Variants in ACSBG2 observed in about 807,000 individuals in gnomAD.
ACSBG2 encodes acyl-CoA synthetase bubblegum family member 2.
Under a neutral mutation model 74.7 loss-of-function variants are expected in ACSBG2, and 62 were observed. The ratio of observed to expected loss-of-function variants is 0.83; its 90% CI spans 0.68 to 1.03. The LOEUF is 1.03. ACSBG2 is among the 50% of genes least tolerant of loss of function. ACSBG2 has a pLI of 0.00. For missense variants in ACSBG2, 730 were observed against 817.6 expected (o/e 0.89, Z 1.31); for synonymous variants, 309 against 294.1 (o/e 1.05, Z -0.52).
At chr19:6,136,850 C>G (rs1218346572) in intron 1 of ACSBG2, among the ~76,000 whole-genome samples, 1 of 152,178 alleles carries the variant, frequency 6.6e-6, no homozygotes, top group African/African-American at 2.4e-5. Context: ...CTGCCACGGC[C>G]TCCCAAAGTG....
At position 6,144,176 on chromosome 19, in the gene ACSBG2, T is replaced by C. The variant is rs1365173166; in HGVS notation, c.67+2566T>C. 2.0e-5 allele frequency among the ~76,000 whole-genome samples: 3 copies of C among 152,272 alleles called. No individual in the cohort carries two copies. The East Asian group carries it at 5.8e-4, about 29-fold the overall frequency. On this transcript the variant is annotated intron_variant, in intron 2 of 14. Coordinates refer to ENST00000588485, the MANE Select transcript of ACSBG2 (RefSeq NM_030924.5). ...CCACGCCTGGCTAATTTTTGTATTT[T>C]TAGTAGATACAGGGTTTCGCCATGT... is the stretch of plus-strand genomic sequence containing the variant.
rs776194311 is a variant in ACSBG2 at position 6,187,718 on chromosome 19, C to T, written c.1800C>T (p.Asp600=). 3.7e-6 allele frequency: 6 copies of T among 1,614,010 alleles called. No homozygotes were observed. In the East Asian group the frequency reaches 6.7e-5, roughly 18 times the overall value. ...TGACTGAGATTGTGAAGCAGCAAGA[C>T]CCCCTGGTCTACAAGGCCATCCAGC... The part of the protein sequence containing the change: ...STVTEIVKQQ[D]PLVYKAIQQG... Residue 600 remains aspartate (D), a synonymous_variant, in exon 13 of 15, where the codon GAC becomes GAT. Transcript: ENST00000588485.
intron 4 of ACSBG2, 98 bp downstream of exon 4, chr19:6,151,893 T>G (rs2089252763): frequency 1.8e-6 from 2 of 1,118,642 alleles, no homozygotes; most frequent in Non-Finnish European, 2.6e-6. Context: ...AACAGGAATT[T>G]TGGATGAACG....
chr19:6,179,791 T>G (rs552584559), intron 8 of ACSBG2, among the ~76,000 whole-genome samples: 6 of 152,146 alleles, frequency 3.9e-5, no homozygotes, highest in African/African-American at 1.4e-4. Context: ...TTTTGTATTT[T>G]TAGTAGAGAC....
At chr19:6,147,791 C>T (rs530669676) in intron 3 of ACSBG2, 116 bp downstream of exon 3, 27 of 1,102,604 alleles carry the variant, frequency 2.4e-5, no homozygotes, top group South Asian at 1.5e-4. Flanking sequence ...GGTTAATTGG[C>T]GAAAATTTCC....
At position 6,173,937 on chromosome 19, in the gene ACSBG2, A is replaced by ATTT. The variant is rs56905660; in HGVS notation, c.739-3276_739-3274dup. Among the ~76,000 whole-genome samples the ATTT allele has an allele frequency of 5.3e-4, 70 of 131,008 alleles. 1 individual carries two copies. Among genetic ancestry groups the ATTT allele is most frequent in the African/African-American group, 1.9e-3 (66 of 35,198 alleles). The allele number at this position is 131,008 out of a possible 152,430, so 85.9% of individuals were successfully genotyped here. A position where few individuals can be genotyped will look rare whatever the true frequency, so the allele number is the denominator to read the frequency against. ...AACATGAGGACATCACTCTTGAACT[A>ATTT]TTTTTTTTTTTTTTTTTTGAGACAG... On this transcript the variant is annotated intron_variant, in intron 7 of 14. Coordinates refer to ENST00000588485, the MANE Select transcript of ACSBG2 (RefSeq NM_030924.5).
rs921014625 is a variant in ACSBG2 at position 6,141,730 on chromosome 19, C to T, written c.67+120C>T. The T allele has an allele frequency of 1.9e-4, 131 of 685,626 alleles. 1 individual carries two copies. Among genetic ancestry groups the T allele is most frequent in the South Asian group, 1.9e-3 (104 of 55,752 alleles). The allele number at this position is 685,626 out of a possible 1,614,324, so 42.5% of individuals were successfully genotyped here. A position where few individuals can be genotyped will look rare whatever the true frequency, so the allele number is the denominator to read the frequency against. On this transcript the variant is annotated intron_variant, in intron 2 of 14. Transcript: ENST00000588485. ...ATTCCTTGCCTGACCCTGCTGACCC[C>T]GACCCCCCACCCTTTTGTTTTGAGA... is the stretch of plus-strand genomic sequence containing the variant.
At chr19:6,147,781 G>C in intron 3 of ACSBG2, 106 bp downstream of exon 3, 1 of 1,295,496 alleles carries the variant, frequency 7.7e-7, no homozygotes, top group Non-Finnish European at 1.1e-6. Context: ...AAGATACAAA[G>C]GTTAATTGGC....
intron 6 of ACSBG2, 121 bp downstream of exon 6, chr19:6,161,416 T>A: frequency 1.2e-6 from 1 of 856,256 alleles, no homozygotes; most frequent in Non-Finnish European, 1.8e-6. Context: ...GTGGGAACTC[T>A]CAAAGGAAGT....
intron 8 of ACSBG2, among the ~76,000 whole-genome samples, chr19:6,177,962 T>G (rs1170068282): frequency 6.6e-6 from 1 of 150,790 alleles, no homozygotes; most frequent in East Asian, 1.9e-4. Context: ...AAAACAGGAG[T>G]TTTTGGCAGC....
chr19:6,161,177 C>G, intron 5 of ACSBG2, 38 bp from the exon 6 acceptor site: 1 of 1,567,060 alleles, frequency 6.4e-7, no homozygotes, highest in Admixed American at 1.7e-5. Flanking sequence ...TTTCCCAGGG[C>G]TGGGTTGCCA....
chr19:6,162,316 CA>C (rs1183213305), intron 6 of ACSBG2, among the ~76,000 whole-genome samples: 2 of 149,408 alleles, frequency 1.3e-5, no homozygotes, highest in African/African-American at 4.9e-5. Context: ...CCTGTAATCC[CA>C]GCACTTTGGG....
chr19:6,181,827 C>A (rs969097764), intron 8 of ACSBG2, among the ~76,000 whole-genome samples: 2 of 129,126 alleles, frequency 1.5e-5, no homozygotes, highest in African/African-American at 5.8e-5. Flanking sequence ...CCCCCCCCAA[C>A]GAAATTTCCT....
At chr19:6,171,786 T>A (rs781754623) in intron 7 of ACSBG2, among the ~76,000 whole-genome samples, 5 of 152,210 alleles carry the variant, frequency 3.3e-5, no homozygotes, top group African/African-American at 4.8e-5. Flanking sequence ...AATTTTCCTG[T>A]ATTACTCCCT....
intron 1 of ACSBG2, among the ~76,000 whole-genome samples, chr19:6,137,634 G>T (rs1020012119): frequency 3.3e-5 from 5 of 151,144 alleles, no homozygotes; most frequent in African/African-American, 1.2e-4. Flanking sequence ...ATTTATTTAT[G>T]TATTTATGTA....
Position 6,141,542 on chromosome 19 carries a change from G to A in ACSBG2, c.-2G>A. ...GTGGAGCATGGTTTCTGCACACCTG[G>A]AATGACTGGAACCCCAAAGACTCAA... On this transcript the variant is annotated 5_prime_UTR_variant, in exon 2 of 15. Transcript: ENST00000588485. The A allele has an allele frequency of 6.2e-7, 1 of 1,608,918 alleles. No homozygotes were observed. Among genetic ancestry groups the A allele is most frequent in the African/African-American group, 1.3e-5 (1 of 74,878 alleles).
intron 7 of ACSBG2, among the ~76,000 whole-genome samples, chr19:6,168,392 CATT>C (rs2145162370): frequency 6.6e-6 from 1 of 152,324 alleles, no homozygotes; most frequent in South Asian, 2.1e-4. Context: ...TAAACCACCC[CATT>C]ACTACCTAAT....
chr19:6,173,385 T>C (rs1183011283), intron 7 of ACSBG2, among the ~76,000 whole-genome samples: 1 of 152,152 alleles, frequency 6.6e-6, no homozygotes, highest in Non-Finnish European at 1.5e-5. Context: ...TGGGCATGCC[T>C]GTGTGAACTG....
At chr19:6,136,749 ATAT>A (rs1446707028) in intron 1 of ACSBG2, among the ~76,000 whole-genome samples, 2 of 152,238 alleles carry the variant, frequency 1.3e-5, no homozygotes, top group Non-Finnish European at 2.9e-5. Context: ...ATAACGATAA[ATAT>A]CTGTGTGCCC....
Sources: allele counts gnomAD v4.1 joint callset (sites outside exome capture counted in the v4.1 genomes callset), GRCh38; gene constraint gnomAD v4.1.1; transcripts MANE v1.5; gene names NCBI Gene and HGNC (gene_info 2026-07-23, HGNC 2026-07-21).